Variants in PNPLA5 observed in about 807,000 individuals in gnomAD.
PNPLA5 encodes the protein patatin like domain 5, triacylglycerol lipase.
In PNPLA5, 44 loss-of-function variants were observed where a neutral mutation model predicts 49.1. The observed-to-expected ratio is 0.90, with a 90% CI of 0.70 to 1.15. PNPLA5 has a LOEUF of 1.15. Ranked by LOEUF, PNPLA5 falls within the 50% of genes most tolerant of loss-of-function variation. The probability of loss-of-function intolerance (pLI) is 0.00; values close to 1 mark genes in which losing one functional copy is unlikely to be tolerated. For missense variants in PNPLA5, 603 were observed against 564.0 expected (o/e 1.07, Z -0.70); for synonymous variants, 243 against 244.4 (o/e 0.99, Z 0.06).
In PNPLA5 at chr22:43,884,291, G is replaced by A. The variant is rs780690737; in HGVS notation, c.1004C>T (p.Ser335Leu). The change falls in exon 7 of 9, where the codon TCG becomes TTG. Residue 335 changes from serine (S) to leucine (L), a missense_variant. Ser to Leu is a moderately radical substitution (Grantham distance 145, BLOSUM62 -2). Transcript: ENST00000216177. ...DPSRWARFWH[S>L]GPGQVLTYLL... The stretch of plus-strand genomic sequence containing the variant: ...GTACGTCAGCACCTGTCCAGGCCCC[G>A]AGTGCCAGAAGCGGGCCCACCGGCT... 5.0e-6 allele frequency: 8 copies of A among 1,601,024 alleles called. No individual in the cohort carries two copies. Among genetic ancestry groups the A allele is most frequent in the Non-Finnish European group, 6.8e-6 (8 of 1,173,528 alleles).
In PNPLA5 at chr22:43,891,877, C is replaced by G. The variant is rs940203839; in HGVS notation, c.4G>C (p.Gly2Arg). 6.6e-7 allele frequency: 1 copy of G among 1,510,634 alleles called. No individual in the cohort carries two copies. The highest frequency in any genetic ancestry group is 2.6e-5 in the Admixed American group (1 of 37,970). The allele number at this position is 1,510,634 out of a possible 1,614,324, so 93.6% of individuals were successfully genotyped here. A position where few individuals can be genotyped will look rare whatever the true frequency, so the allele number is the denominator to read the frequency against. Residue 2 changes from glycine (G) to arginine (R), a missense_variant, in exon 1 of 9, where the codon GGC (glycine) becomes CGC (arginine). Transcript: ENST00000216177. Reference protein sequence around the residue: MGFLEEEGRWNL... With the variant: MRFLEEEGRWNL... ...CATCTGCCCTCCTCCTCTAAGAAGC[C>G]CATGGCGGGTGGACCGGGCGGGGTG...
Position 43,891,297 on chromosome 22 carries a change from G to T in PNPLA5, c.194-3C>A. The T allele has an allele frequency of 6.4e-7, 1 of 1,551,680 alleles. No homozygotes were observed. The stretch of plus-strand genomic sequence containing the variant: ...CAGGAGGTGGGAGCAGCAGAAGTCT[G>T]CAGTGGGGGCAGGGAAAGGGAGACC... On this transcript the variant is annotated splice_region_variant and splice_polypyrimidine_tract_variant and intron_variant, in intron 1 of 8. Coordinates refer to ENST00000216177, the MANE Select transcript of PNPLA5 (RefSeq NM_138814.4).
At position 43,881,631 on chromosome 22, in the gene PNPLA5, TCCA is replaced by T. The variant is rs2049611633; in HGVS notation, c.1123_1125del (p.Trp375del). The T allele has an allele frequency of 1.9e-6, 3 of 1,613,674 alleles. No homozygotes were observed. Among genetic ancestry groups the T allele is most frequent in the Non-Finnish European group, 2.5e-6 (3 of 1,179,878 alleles). ...GCCATGTTCCTCAGCAGGCCCTGCA[TCCA>T]CCACAAGTCCGCCGGCACATCGGGC... On this transcript the variant is annotated inframe_deletion, in exon 8 of 9. Transcript: ENST00000216177.
intron 3 of PNPLA5, 67 bp from the exon 4 acceptor site, chr22:43,889,605 C>T (rs527417721): frequency 1.6e-5 from 24 of 1,546,914 alleles, no homozygotes; most frequent in South Asian, 8.7e-5. Context: ...TGGCTGCAGC[C>T]GGTGACCCTC....
chr22:43,881,190 C>A (rs910728120), intron 8 of PNPLA5, among the ~76,000 whole-genome samples: 4 of 152,226 alleles, frequency 2.6e-5, no homozygotes, highest in Non-Finnish European at 5.9e-5. Context: ...CAGGCCACTG[C>A]AGGCCAGACC....
intron 2 of PNPLA5, among the ~76,000 whole-genome samples, chr22:43,890,733 C>T (rs1015383873): frequency 7.2e-5 from 11 of 152,176 alleles, no homozygotes; most frequent in Non-Finnish European, 1.6e-4. Flanking sequence ...GTCAACCCAC[C>T]GCCAAAAAGC....
intron 4 of PNPLA5, among the ~76,000 whole-genome samples, chr22:43,888,075 C>T (rs1043868709): frequency 6.6e-6 from 1 of 152,206 alleles, no homozygotes; most frequent in African/African-American, 2.4e-5. Flanking sequence ...CAGTACCAGA[C>T]TGAGGTGGGC....
At chr22:43,881,829 C>T (rs997225949) in intron 7 of PNPLA5, 155 bp from the exon 8 acceptor site, 2 of 895,178 alleles carry the variant, frequency 2.2e-6, no homozygotes, top group Middle Eastern at 5.6e-4. Context: ...GCCACTGTTG[C>T]AGAGCAGGTC....
chr22:43,883,317 C>G (rs1010019513), intron 7 of PNPLA5, among the ~76,000 whole-genome samples: 3 of 152,226 alleles, frequency 2.0e-5, no homozygotes, highest in Non-Finnish European at 4.4e-5. Flanking sequence ...ATTTGTAGGT[C>G]GTGAGCTCCA....
In PNPLA5 at chr22:43,891,883, C is replaced by A. The variant is rs1045206951; in HGVS notation, c.-3G>T. 1.3e-6 allele frequency: 2 copies of A among 1,508,284 alleles called. No individual in the cohort carries two copies. Among genetic ancestry groups the A allele is most frequent in the Non-Finnish European group, 1.8e-6 (2 of 1,135,514 alleles). 93.4% of individuals were successfully genotyped at this position (1,508,284 alleles called of 1,614,324 possible). On this transcript the variant is annotated 5_prime_UTR_variant, in exon 1 of 9. Transcript: ENST00000216177. Reference sequence around the variant, plus strand: ...CCCTCCTCCTCTAAGAAGCCCATGGCGGGTGGACCGGGCGGGGTGATCGGG... The same window carrying A: ...CCCTCCTCCTCTAAGAAGCCCATGGAGGGTGGACCGGGCGGGGTGATCGGG...
Position 43,884,196 on chromosome 22 carries a change from C to T in PNPLA5, c.1082+17G>A, listed in dbSNP as rs200118970. 3 of 1,526,734 alleles carry T rather than the reference C, an allele frequency of 2.0e-6. No homozygotes were observed. The East Asian group carries it at 7.5e-5, about 38-fold the overall frequency. The allele number at this position is 1,526,734 out of a possible 1,614,324, so 94.6% of individuals were successfully genotyped here. A position where few individuals can be genotyped will look rare whatever the true frequency, so the allele number is the denominator to read the frequency against. On this transcript the variant is annotated intron_variant, in intron 7 of 8. Transcript: ENST00000216177. The stretch of plus-strand genomic sequence containing the variant: ...CCACAAGCCAGGCCCTTCCCAGGCC[C>T]CCTGGCCGAGCCTTACCTTCTGCTG...
chr22:43,887,614 G>T lies in PNPLA5; in HGVS notation c.740C>A (p.Ala247Asp). The T allele has an allele frequency of 6.2e-7, 1 of 1,609,944 alleles. No individual in the cohort carries two copies. Among genetic ancestry groups the T allele is most frequent in the Middle Eastern group, 1.7e-4 (1 of 6,060 alleles). Residue 247 changes from alanine to aspartate, a missense_variant, in exon 5 of 9, where the codon GCC becomes GAC. Transcript: ENST00000216177. ...ADNCRQGYLDALRFLERRGLT... is the reference protein window; with the variant it reads ...ADNCRQGYLDDLRFLERRGLT... ...ACCACGTCTCTCCAGGAACCTCAGG[G>T]CATCCAGGTAGCCTTGTCTGCAGTT... is the stretch of plus-strand genomic sequence containing the variant.
At chr22:43,884,966 A>G (rs1169471048) in intron 6 of PNPLA5, among the ~76,000 whole-genome samples, 1 of 152,218 alleles carries the variant, frequency 6.6e-6, no homozygotes, top group Non-Finnish European at 1.5e-5. Context: ...ATTCACAGAT[A>G]GCACAGGCCA....
intron 6 of PNPLA5, among the ~76,000 whole-genome samples, chr22:43,885,419 G>A (rs1205004019): frequency 7.0e-4 from 12 of 17,078 alleles, no homozygotes; most frequent in African/African-American, 1.9e-3. Context: ...ACCCCCTCCC[G>A]CCCACCTCAC....
At position 43,884,357 on chromosome 22, in the gene PNPLA5, G is replaced by A. The variant is rs535722719; in HGVS notation, c.950-12C>T. 1.3e-4 allele frequency: 194 copies of A among 1,544,732 alleles called. No homozygotes were observed. In the South Asian group the frequency reaches 2.1e-3, roughly 17 times the overall value. ...TGCTTTCTTCAGTGCTGCAAGAGAA[G>A]CCCTGGCATGGCCCTGCCCACCTGA... On this transcript the variant is annotated splice_polypyrimidine_tract_variant and intron_variant, in intron 6 of 8. Coordinates refer to ENST00000216177, the MANE Select transcript of PNPLA5 (RefSeq NM_138814.4).
chr22:43,883,870 G>A (rs1329832298), intron 7 of PNPLA5, among the ~76,000 whole-genome samples: 1 of 152,036 alleles, frequency 6.6e-6, no homozygotes, highest in Non-Finnish European at 1.5e-5. Context: ...GTAGCCCAGA[G>A]AGGTCAAGAG....
In PNPLA5 at chr22:43,891,696, T is replaced by A; in HGVS notation, c.185A>T (p.Lys62Met). Residue 62 changes from lysine to methionine, a missense_variant, in exon 1 of 9, where the codon AAG becomes ATG. By Grantham distance (95) the Lys-to-Met change is moderately conservative. Coordinates refer to ENST00000216177, the MANE Select transcript of PNPLA5 (RefSeq NM_138814.4). The part of the protein sequence containing the change: ...ALNAVSIVCG[K>M]SVDFCCSHLL... Reference sequence around the variant, plus strand: ...CGCGGTCCGGGACTCACCGACCGACTTGCCGCAGACGATGCTGACTGCGTT... The same window carrying A: ...CGCGGTCCGGGACTCACCGACCGACATGCCGCAGACGATGCTGACTGCGTT... 1 of 1,546,928 alleles carries A rather than the reference T, an allele frequency of 6.5e-7. No homozygotes were observed.
At position 43,884,264 on chromosome 22, in the gene PNPLA5, AG is replaced by A; in HGVS notation, c.1030del (p.Leu344CysfsTer37). 2 of 1,598,164 alleles carry A rather than the reference AG, an allele frequency of 1.3e-6. No individual in the cohort carries two copies. Among genetic ancestry groups the A allele is most frequent in the Non-Finnish European group, 1.7e-6 (2 of 1,172,242 alleles). On this transcript the variant is annotated frameshift_variant, in exon 7 of 9. Coordinates refer to ENST00000216177, the MANE Select transcript of PNPLA5 (RefSeq NM_138814.4). LOFTEE classifies it high-confidence loss of function. ...GAAGGGCAGTGTGCAGGGTAGCAGC[AG>A]GTACGTCAGCACCTGTCCAGGCCCC... ...HSGPGQVLTY[L>X]LLPCTLPFEY...
Position 43,889,431 on chromosome 22 carries a change from G to A in PNPLA5, c.600C>T (p.Thr200=), listed in dbSNP as rs2049699584. The change falls in exon 4 of 9, where the codon ACC becomes ACT. Residue 200 remains threonine (T), a synonymous_variant. Transcript: ENST00000216177. ...HGTVDICPQS[T]SPNLHELNVF... is the part of the protein sequence containing the mutation. Reference sequence around the variant, plus strand: ...CGTTCAGCTCATGCAGGTTGGGGGAGGTGCTCTGGGGGCAGATGTCCACTG... The same window carrying A: ...CGTTCAGCTCATGCAGGTTGGGGGAAGTGCTCTGGGGGCAGATGTCCACTG... 1 of 1,614,010 alleles carries A rather than the reference G, an allele frequency of 6.2e-7. No individual in the cohort carries two copies. The highest frequency in any genetic ancestry group is 1.3e-5 in the African/African-American group (1 of 74,904).
Sources: gnomAD v4.1 joint callset for allele counts (sites outside exome capture counted in the v4.1 genomes callset) on GRCh38, gnomAD v4.1.1 for gene constraint, MANE v1.5 for transcripts, NCBI Gene and HGNC (gene_info 2026-07-23, HGNC 2026-07-21) for gene names.